The following PPARD variants were observed in gnomAD, a reference collection of about 807,000 sequenced individuals.
The protein encoded by PPARD is peroxisome proliferator-activated receptor delta.
A neutral mutation model predicts 39.5 loss-of-function variants in PPARD; 6 were observed. That is an observed-to-expected ratio of 0.15 (90% confidence interval 0.08 to 0.30). PPARD has a LOEUF of 0.30. Ranked by LOEUF, PPARD falls within the 10% of genes least tolerant of loss-of-function variation. The pLI is 1.00. For synonymous variants in PPARD, 210 were observed against 231.3 expected (o/e 0.91, Z 0.83); for missense variants, 397 against 596.8 (o/e 0.67, Z 3.49).
chr6:35,377,286 T>C (rs1762863404), intron 2 of PPARD, among the ~76,000 whole-genome samples: 1 of 152,206 alleles, frequency 6.6e-6, no homozygotes, highest in Admixed American at 6.5e-5. Context: ...TGGCTGCATG[T>C]CTACGGACGT....
At chr6:35,373,146 G>A (rs376087796) in intron 2 of PPARD, among the ~76,000 whole-genome samples, 10 of 152,160 alleles carry the variant, frequency 6.6e-5, no homozygotes, top group South Asian at 2.1e-4. Context: ...GCACTAATCC[G>A]TTCCTGAGGG....
intron 2 of PPARD, among the ~76,000 whole-genome samples, chr6:35,393,354 C>T: frequency 6.6e-6 from 1 of 152,238 alleles, no homozygotes; most frequent in East Asian, 1.9e-4. Context: ...CTTTTCCTGA[C>T]TCTTTCAAGA....
chr6:35,382,384 A>C (rs994111397), intron 2 of PPARD, among the ~76,000 whole-genome samples: 9 of 152,238 alleles, frequency 5.9e-5, no homozygotes, highest in African/African-American at 1.9e-4. Context: ...TGGAGCAGTA[A>C]AATTCTCCAG....
In PPARD at chr6:35,425,126, T is replaced by G; in HGVS notation, c.1078+347T>G. Reference sequence around the variant, plus strand: ...CGTCTCTACTAAAAATACAAAAAATTAGCCAGATGTGGTGGCACGCGCCTG... The same window carrying G: ...CGTCTCTACTAAAAATACAAAAAATGAGCCAGATGTGGTGGCACGCGCCTG... On this transcript the variant is annotated intron_variant, in intron 7 of 7. Coordinates refer to ENST00000360694, the MANE Select transcript of PPARD (RefSeq NM_006238.5). This position sits in a 1 kb window ranked among gnomAD's most constrained non-coding sequence, Gnocchi z 4.5. 1 of 810,442 alleles carries G rather than the reference T, an allele frequency of 1.2e-6. No individual in the cohort carries two copies. The highest frequency in any genetic ancestry group is 1.6e-6 in the Non-Finnish European group (1 of 644,578). The allele number at this position is 810,442 out of a possible 1,614,324, so 50.2% of individuals were successfully genotyped here.
At chr6:35,406,184 T>G (rs1581641291) in intron 2 of PPARD, among the ~76,000 whole-genome samples, 1 of 151,752 alleles carries the variant, frequency 6.6e-6, no homozygotes, top group East Asian at 1.9e-4. Context: ...CCTCAGCCTC[T>G]CAAAGTGCTG....
chr6:35,408,375 CAGAA>C (rs992524198), intron 2 of PPARD, among the ~76,000 whole-genome samples: 4 of 152,242 alleles, frequency 2.6e-5, no homozygotes, highest in Admixed American at 6.5e-5. Flanking sequence ...GACTGAGACT[CAGAA>C]GGAAGGAGAA....
In PPARD at chr6:35,426,929, G is replaced by C. The variant is rs1004930228; in HGVS notation, c.*850G>C. 1.3e-5 allele frequency: 2 copies of C among 152,384 alleles called. No individual in the cohort carries two copies. The highest frequency in any genetic ancestry group is 6.5e-5 in the Admixed American group (1 of 15,284). 9.4% of individuals were successfully genotyped at this position (152,384 alleles called of 1,614,324 possible). Reference sequence around the variant, plus strand: ...ACTCTCCCAGCTTGGAAGTAGGCAGGGTTCCCTCCAGGTGGGCCCCCACCT... The same window carrying C: ...ACTCTCCCAGCTTGGAAGTAGGCAGCGTTCCCTCCAGGTGGGCCCCCACCT... On this transcript the variant is annotated 3_prime_UTR_variant, in exon 8 of 8. Coordinates refer to ENST00000360694, the MANE Select transcript of PPARD (RefSeq NM_006238.5).
intron 2 of PPARD, among the ~76,000 whole-genome samples, chr6:35,400,706 G>A (rs1764647344): frequency 6.6e-6 from 1 of 151,964 alleles, no homozygotes; most frequent in Non-Finnish European, 1.5e-5. Flanking sequence ...AGGCTGAAGT[G>A]GGAGAATCAC....
intron 2 of PPARD, among the ~76,000 whole-genome samples, chr6:35,357,533 G>GC (rs1194625874): frequency 4.0e-5 from 6 of 150,330 alleles, no homozygotes; most frequent in African/African-American, 1.2e-4. Flanking sequence ...ACTCTCCACT[G>GC]CCTACTTTTT....
At chr6:35,415,855 G>C (rs1262293918) in intron 3 of PPARD, among the ~76,000 whole-genome samples, 1 of 148,882 alleles carries the variant, frequency 6.7e-6, no homozygotes, top group African/African-American at 2.6e-5. Flanking sequence ...TGTTGGAGTG[G>C]CAAGTCCAAA....
chr6:35,345,880 T>TG (rs1363594624), intron 1 of PPARD, among the ~76,000 whole-genome samples: 4 of 145,702 alleles, frequency 2.7e-5, no homozygotes, highest in African/African-American at 7.7e-5. Flanking sequence ...TTTCGTTTTT[T>TG]TTTTTTTTTT....
chr6:35,371,635 T>A lies in PPARD; in HGVS notation c.-102+24485T>A, dbSNP rs113180212. 9.7e-3 allele frequency among the ~76,000 whole-genome samples: 1,475 copies of A among 152,236 alleles called. 6 individuals carry two copies. The highest frequency in any genetic ancestry group is 0.017 in the Middle Eastern group (5 of 294). Reference sequence around the variant, plus strand: ...AGGTCGTTCCTCCCGTTCTTTTGAGTGTTTCTCCCCACTGATTTTCCTGCC... The same window carrying A: ...AGGTCGTTCCTCCCGTTCTTTTGAGAGTTTCTCCCCACTGATTTTCCTGCC... On this transcript the variant is annotated intron_variant, in intron 2 of 7. Transcript: ENST00000360694.
intron 2 of PPARD, among the ~76,000 whole-genome samples, chr6:35,394,764 C>T (rs1382339599): frequency 6.6e-6 from 1 of 150,514 alleles, no homozygotes; most frequent in African/African-American, 2.5e-5. Context: ...GAGTGAGACC[C>T]TGTCTCCCCG....
rs988972559 is a variant in PPARD at position 35,426,615 on chromosome 6, C to T, written c.*536C>T. On this transcript the variant is annotated 3_prime_UTR_variant, in exon 8 of 8. Coordinates refer to ENST00000360694, the MANE Select transcript of PPARD (RefSeq NM_006238.5). Reference sequence around the variant, plus strand: ...GAGCCATCCAAAGAAACACTAAGCTCTCTGGGCCTGGGTTCCAGGGAAGGC... The same window carrying T: ...GAGCCATCCAAAGAAACACTAAGCTTTCTGGGCCTGGGTTCCAGGGAAGGC... The T allele has an allele frequency of 1.2e-5, 2 of 162,916 alleles. No homozygotes were observed. Among genetic ancestry groups the T allele is most frequent in the African/African-American group, 4.8e-5 (2 of 41,500 alleles). The allele number at this position is 162,916 out of a possible 1,614,324, so 10.1% of individuals were successfully genotyped here. A position where few individuals can be genotyped will look rare whatever the true frequency, so the allele number is the denominator to read the frequency against.
chr6:35,347,113 T>C lies in PPARD; in HGVS notation c.-139T>C. The C allele has an allele frequency of 6.5e-7, 1 of 1,536,144 alleles. No homozygotes were observed. The highest frequency in any genetic ancestry group is 8.7e-7 in the Non-Finnish European group (1 of 1,146,900). ...TGCACGTGATACTCACACAGTGGCT[T>C]CTGCTCACCAACAGATGAAGACAGA... On this transcript the variant is annotated 5_prime_UTR_variant, in exon 2 of 8. Coordinates refer to ENST00000360694, the MANE Select transcript of PPARD (RefSeq NM_006238.5).
chr6:35,345,873 C>CATTTTTT (rs1792145235), intron 1 of PPARD, among the ~76,000 whole-genome samples: 1 of 133,454 alleles, frequency 7.5e-6, no homozygotes, highest in African/African-American at 2.9e-5. Context: ...ACTTTTTTTT[C>CATTTTTT]GTTTTTTTTT....
Position 35,412,922 on chromosome 6 carries a change from G to T in PPARD, c.130+1705G>T, listed in dbSNP as rs916477260. ...CTGTTCTAAATCTGAAGAAGGTAGG[G>T]AGGGTTAGAAAGCAAAGGGAAGACA... On this transcript the variant is annotated intron_variant, in intron 3 of 7. Transcript: ENST00000360694. The surrounding 1 kb of genome is among the most constrained non-coding windows in gnomAD (Gnocchi z 4.1). 6.6e-6 allele frequency among the ~76,000 whole-genome samples: 1 copy of T among 152,220 alleles called. No individual in the cohort carries two copies. Among genetic ancestry groups the T allele is most frequent in the Non-Finnish European group, 1.5e-5 (1 of 68,036 alleles).
intron 2 of PPARD, among the ~76,000 whole-genome samples, chr6:35,408,370 A>G (rs1415207358): frequency 6.6e-6 from 1 of 152,202 alleles, no homozygotes; most frequent in Non-Finnish European, 1.5e-5. Flanking sequence ...GAGAAGACTG[A>G]GACTCAGAAG....
At chr6:35,402,143 G>A (rs142362132) in intron 2 of PPARD, among the ~76,000 whole-genome samples, 4 of 152,096 alleles carry the variant, frequency 2.6e-5, no homozygotes, top group Non-Finnish European at 4.4e-5. Flanking sequence ...GGTATCCCAC[G>A]CTCACTGTGA....
Sources: gnomAD v4.1 joint callset for allele counts (sites outside exome capture counted in the v4.1 genomes callset) on GRCh38, gnomAD v4.1.1 for gene constraint, Gnocchi (gnomAD v3.1) non-coding constraint, MANE v1.5 for transcripts, NCBI Gene and HGNC (gene_info 2026-07-23, HGNC 2026-07-21) for gene names.